ATP5MG: variants seen among roughly 807,000 people sequenced by gnomAD.
The protein encoded by ATP5MG is ATP synthase membrane subunit g.
ATP5MG carries 7 observed loss-of-function variants against 12.7 expected under a neutral mutation model. The ratio of observed to expected loss-of-function variants is 0.55; its 90% CI spans 0.31 to 1.04. The LOEUF (loss-of-function observed/expected upper bound fraction) is 1.04, where lower values mean the gene tolerates loss of function less well. ATP5MG is among the 50% of genes least tolerant of loss of function. The probability of loss-of-function intolerance (pLI) is 0.05; values close to 1 mark genes in which losing one functional copy is unlikely to be tolerated. For synonymous variants in ATP5MG, 53 were observed against 48.2 expected, an observed-to-expected ratio of 1.10 and a Z score of -0.41; for missense variants, 116 against 126.7, an observed-to-expected ratio of 0.92 and a Z score of 0.41.
In ATP5MG at chr11:118,408,986, G is replaced by T. The variant is rs782700699; in HGVS notation, c.214-14G>T. 1.3e-6 allele frequency: 2 copies of T among 1,485,106 alleles called. No homozygotes were observed. The highest frequency in any genetic ancestry group is 2.5e-5 in the East Asian group (1 of 40,390). The allele number at this position is 1,485,106 out of a possible 1,614,324, so 92.0% of individuals were successfully genotyped here. ...ATATAAAAGGTACCTTAAAATGTAT[G>T]CTTCTTTTTTCAGGAAGCTGTGCTG... On this transcript the variant is annotated splice_polypyrimidine_tract_variant and intron_variant, in intron 2 of 2. Coordinates refer to ENST00000300688, the MANE Select transcript of ATP5MG (RefSeq NM_006476.5).
At chr11:118,407,558 C>T (rs1948983507) in intron 2 of ATP5MG, 1 of 162,258 alleles carries the variant, frequency 6.2e-6, no homozygotes, top group East Asian at 1.8e-4. Flanking sequence ...AAGATAAAAT[C>T]TAAAAACTGT....
rs527968850 is a variant in ATP5MG, at chr11:118,409,286, C to T, written c.*188C>T. On this transcript the variant is annotated 3_prime_UTR_variant, in exon 3 of 3. Transcript: ENST00000300688. ...GGTTGTCTTTAAACAACCCTAAATACACGTCTGTTTAGCCCGCAATTGGAA... is the reference window on the plus strand; with the variant it reads ...GGTTGTCTTTAAACAACCCTAAATATACGTCTGTTTAGCCCGCAATTGGAA... 4 of 334,448 alleles carry T rather than the reference C, an allele frequency of 1.2e-5. No homozygotes were observed. Among genetic ancestry groups the T allele is most frequent in the Admixed American group, 9.5e-5 (2 of 21,118 alleles). The allele number at this position is 334,448 out of a possible 1,614,324, so 20.7% of individuals were successfully genotyped here. A position where few individuals can be genotyped will look rare whatever the true frequency, so the allele number is the denominator to read the frequency against.
At chr11:118,407,269 G>A (rs1948980862) in intron 2 of ATP5MG, 172 bp downstream of exon 2, 2 of 1,004,010 alleles carry the variant, frequency 2.0e-6, no homozygotes, top group Admixed American at 2.9e-5. Flanking sequence ...TTTGTCACCT[G>A]GGTAGAAATA....
chr11:118,401,632 C>G lies in ATP5MG; in HGVS notation c.-34C>G. 1 of 1,613,512 alleles carries G rather than the reference C, an allele frequency of 6.2e-7. No homozygotes were observed. The highest frequency in any genetic ancestry group is 8.5e-7 in the Non-Finnish European group (1 of 1,179,564). ...CTTCCGGCGGGTGACATTCAGCCGGCGGTTCGGGGCGACGGACTCTCCATT... is the reference window on the plus strand; with the variant it reads ...CTTCCGGCGGGTGACATTCAGCCGGGGGTTCGGGGCGACGGACTCTCCATT... On this transcript the variant is annotated 5_prime_UTR_variant, in exon 1 of 3. Transcript: ENST00000300688.
chr11:118,407,242 ATACT>A (rs1948980722), intron 2 of ATP5MG, 145 bp downstream of exon 2: 3 of 1,207,042 alleles, frequency 2.5e-6, no homozygotes, highest in African/African-American at 1.5e-5. Context: ...GCTGAGGAAG[ATACT>A]TACTTTTCTA....
intron 1 of ATP5MG, 108 bp downstream of exon 1, chr11:118,401,825 C>G: frequency 7.3e-7 from 1 of 1,370,070 alleles, no homozygotes; most frequent in Admixed American, 2.6e-5. Flanking sequence ...CTGCGGGTGC[C>G]GGGGCGGGAT....
At chr11:118,402,696 C>CTTTTTTTTTT (rs782335353) in intron 1 of ATP5MG, among the ~76,000 whole-genome samples, 4 of 128,188 alleles carry the variant, frequency 3.1e-5, no homozygotes, top group East Asian at 2.3e-4. Flanking sequence ...TTCTTTCTTT[C>CTTTTTTTTTT]TTTTTTTTTT....
intron 1 of ATP5MG, among the ~76,000 whole-genome samples, chr11:118,403,508 T>A (rs1449072132): frequency 4.5e-5 from 5 of 110,892 alleles, no homozygotes; most frequent in South Asian, 2.7e-4. Context: ...AAAAAAAAAA[T>A]AATAATGCTG....
At chr11:118,404,144 C>CTAGT (rs1489034411) in intron 1 of ATP5MG, among the ~76,000 whole-genome samples, 1 of 152,082 alleles carries the variant, frequency 6.6e-6, no homozygotes, top group Non-Finnish European at 1.5e-5. Flanking sequence ...CATACATAGG[C>CTAGT]TAGTGTATTA....
chr11:118,401,699 A>G lies in ATP5MG; in HGVS notation c.34A>G (p.Thr12Ala), dbSNP rs1555131093. Residue 12 changes from threonine (T) to alanine (A), a missense_variant, in exon 1 of 3, where the codon ACC becomes GCC. Thr to Ala is a moderately conservative substitution (Grantham distance 58). Transcript: ENST00000300688. ...ATTTGTCCGTAACCTTGTGGAGAAG[A>G]CCCCGGCGCTGGTGAACGGTGAGCG... ...AQFVRNLVEKTPALVNAAVTY... is the reference protein window; with the variant it reads ...AQFVRNLVEKAPALVNAAVTY... The G allele has an allele frequency of 6.2e-7, 1 of 1,612,938 alleles. No individual in the cohort carries two copies. The highest frequency in any genetic ancestry group is 1.7e-5 in the Admixed American group (1 of 59,928).
rs1308313483 is a variant in ATP5MG at position 118,409,783 on chromosome 11, A to AT, written c.*688dup. 4 of 152,216 alleles carry AT rather than the reference A, an allele frequency of 2.6e-5. No individual in the cohort carries two copies. The highest frequency in any genetic ancestry group is 2.6e-4 in the Admixed American group (4 of 15,274). The allele number at this position is 152,216 out of a possible 1,614,324, so 9.4% of individuals were successfully genotyped here. ...CCAAAGATATTTAAACAAGGTTATA[A>AT]TTTAGCATCTTCCCTGGATCTAAAT... On this transcript the variant is annotated 3_prime_UTR_variant, in exon 3 of 3. Transcript: ENST00000300688.
At chr11:118,407,231 TG>T in intron 2 of ATP5MG, 134 bp downstream of exon 2, 1 of 1,299,008 alleles carries the variant, frequency 7.7e-7, no homozygotes, top group Non-Finnish European at 1.0e-6. Flanking sequence ...AAATTTTGAC[TG>T]CTGAGGAAGA....
rs1035705993 is a variant in ATP5MG at position 118,409,802 on chromosome 11, T to C, written c.*704T>C. 2.6e-5 allele frequency: 4 copies of C among 152,234 alleles called. No homozygotes were observed. The highest frequency in any genetic ancestry group is 9.6e-5 in the African/African-American group (4 of 41,462). The allele number at this position is 152,234 out of a possible 1,614,324, so 9.4% of individuals were successfully genotyped here. ...GTTATAATTTAGCATCTTCCCTGGA[T>C]CTAAATAGTATATTATATCCTGAAA... is the stretch of plus-strand genomic sequence containing the variant. On this transcript the variant is annotated 3_prime_UTR_variant, in exon 3 of 3. Coordinates refer to ENST00000300688, the MANE Select transcript of ATP5MG (RefSeq NM_006476.5).
At chr11:118,405,630 C>CT (rs200795164) in intron 1 of ATP5MG, 606 of 948,332 alleles carry the variant, frequency 6.4e-4, no homozygotes, top group South Asian at 4.5e-3. Context: ...CAAGATTGTG[C>CT]TTTTTTTTTA....
intron 1 of ATP5MG, among the ~76,000 whole-genome samples, chr11:118,403,027 C>T (rs531509481): frequency 2.6e-5 from 4 of 152,294 alleles, no homozygotes. Context: ...CTCCTCCCTT[C>T]CCTCCATCAC....
Position 118,406,971 on chromosome 11 carries a change from AT to A in ATP5MG, c.91del (p.Trp31GlyfsTer23). ...CTTACTCGAAGCCTCGATTGGCCACATTTTGGTACTACGCCAAGGTTGAGCT... is the reference window on the plus strand; with the variant it reads ...CTTACTCGAAGCCTCGATTGGCCACATTTGGTACTACGCCAAGGTTGAGCT... The part of the protein sequence containing the change: ...VTYSKPRLAT[F>X]WYYAKVELVP... On this transcript the variant is annotated frameshift_variant, in exon 2 of 3. Coordinates refer to ENST00000300688, the MANE Select transcript of ATP5MG (RefSeq NM_006476.5). LOFTEE classifies it high-confidence loss of function. 6.2e-7 allele frequency: 1 copy of A among 1,613,518 alleles called. No homozygotes were observed. The highest frequency in any genetic ancestry group is 8.5e-7 in the Non-Finnish European group (1 of 1,179,728).
intron 2 of ATP5MG, among the ~76,000 whole-genome samples, chr11:118,407,798 G>C (rs1173879303): frequency 2.0e-5 from 3 of 152,134 alleles, no homozygotes; most frequent in African/African-American, 7.2e-5. Flanking sequence ...CTTGAGCCCA[G>C]GAGTTAGAGG....
At chr11:118,408,182 A>G (rs1948989315) in intron 2 of ATP5MG, among the ~76,000 whole-genome samples, 1 of 152,178 alleles carries the variant, frequency 6.6e-6, no homozygotes, top group Admixed American at 6.5e-5. Flanking sequence ...AAAAGGAAAG[A>G]AAAGAACTGG....
At chr11:118,407,282 T>A in intron 2 of ATP5MG, 185 bp downstream of exon 2, 1 of 885,658 alleles carries the variant, frequency 1.1e-6, no homozygotes, top group Non-Finnish European at 1.6e-6. Flanking sequence ...TAGAAATAAT[T>A]AGCCCATTTT....
Sources: gnomAD v4.1 joint callset for allele counts (sites outside exome capture counted in the v4.1 genomes callset) on GRCh38, gnomAD v4.1.1 for gene constraint, MANE v1.5 for transcripts, NCBI Gene and HGNC (gene_info 2026-07-23, HGNC 2026-07-21) for gene names.